Variants in FSHR observed in about 807,000 individuals in gnomAD.
FSHR encodes the protein follicle-stimulating hormone receptor.
A neutral mutation model predicts 52.1 loss-of-function variants in FSHR; 46 were observed. That is an observed-to-expected ratio of 0.88 (90% CI 0.70 to 1.13). The LOEUF (loss-of-function observed/expected upper bound fraction) is 1.13, where lower values mean the gene tolerates loss of function less well. FSHR is among the 50% of genes most tolerant of loss of function. The pLI is 0.00. For missense variants in FSHR, 964 were observed against 834.6 expected, an observed-to-expected ratio of 1.16 and a Z score of -1.91; for synonymous variants, 399 against 309.6, an observed-to-expected ratio of 1.29 and a Z score of -3.03.
chr2:49,053,718 G>C lies in FSHR; in HGVS notation c.224+14501C>G, dbSNP rs538792863. On this transcript the variant is annotated intron_variant, in intron 2 of 9. Transcript: ENST00000406846. ...AAAGAAAAAAAACAGTCCTTTCCCT[G>C]TTGACTTCTGATAGAAGTAGAGGAG... is the stretch of plus-strand genomic sequence containing the variant. Among the ~76,000 whole-genome samples the C allele has an allele frequency of 3.3e-5, 5 of 152,250 alleles. No individual in the cohort carries two copies. In the South Asian group the frequency reaches 1.0e-3, roughly 32 times the overall value.
Position 49,125,125 on chromosome 2 carries a change from C to T in FSHR, c.152+29141G>A, listed in dbSNP as rs181830927. On this transcript the variant is annotated intron_variant, in intron 1 of 9. Transcript: ENST00000406846. ...CTCAATTGGTTCTTTTTCTGATGGG[C>T]TTCCTGGACAGTGTATCTACCATGT... is the stretch of plus-strand genomic sequence containing the variant. Among the ~76,000 whole-genome samples, 48 of 152,304 alleles carry T rather than the reference C, an allele frequency of 3.2e-4. No homozygotes were observed. In the East Asian group the frequency reaches 8.5e-3, roughly 27 times the overall value.
chr2:48,966,370 A>T (rs112036514), intron 9 of FSHR, among the ~76,000 whole-genome samples: 1 of 152,224 alleles, frequency 6.6e-6, no homozygotes, highest in Non-Finnish European at 1.5e-5. Flanking sequence ...ATTGTATTTA[A>T]CATTAAAAAT....
intron 2 of FSHR, among the ~76,000 whole-genome samples, chr2:49,046,962 G>A (rs913149974): frequency 1.3e-5 from 2 of 152,130 alleles, no homozygotes; most frequent in African/African-American, 4.8e-5. Flanking sequence ...TGTGAACCTT[G>A]ATAAATTTCT....
chr2:48,972,998 G>C (rs1290655249), intron 8 of FSHR, among the ~76,000 whole-genome samples: 1 of 143,390 alleles, frequency 7.0e-6, no homozygotes, highest in South Asian at 2.1e-4. Flanking sequence ...TTCCCATTGC[G>C]GGTCTATTTG....
intron 1 of FSHR, among the ~76,000 whole-genome samples, chr2:49,078,774 A>G (rs942940827): frequency 6.6e-6 from 1 of 152,168 alleles, no homozygotes; most frequent in African/African-American, 2.4e-5. Flanking sequence ...TACTGAATGG[A>G]GAAATTTTAG....
intron 4 of FSHR, among the ~76,000 whole-genome samples, chr2:49,009,340 T>C (rs1667186214): frequency 1.3e-5 from 2 of 152,164 alleles, no homozygotes; most frequent in South Asian, 4.2e-4. Context: ...TAGTTGTAGA[T>C]ATGCAGCGTT....
At chr2:49,112,533 T>A (rs1364364174) in intron 1 of FSHR, among the ~76,000 whole-genome samples, 1 of 152,188 alleles carries the variant, frequency 6.6e-6, no homozygotes, top group East Asian at 1.9e-4. Context: ...ATGTTAAAAA[T>A]TTCAAAACAA....
chr2:48,973,086 A>G (rs78177457), intron 8 of FSHR, among the ~76,000 whole-genome samples: 2,477 of 152,284 alleles, frequency 0.016, 53 homozygotes, highest in African/African-American at 0.056. Context: ...TTCATTATAG[A>G]TCTAGCCTTT....
chr2:49,086,063 T>G (rs1472732500), intron 1 of FSHR, among the ~76,000 whole-genome samples: 1 of 152,010 alleles, frequency 6.6e-6, no homozygotes, highest in Non-Finnish European at 1.5e-5. Flanking sequence ...TGTATACATA[T>G]GTAACTAACC....
At chr2:48,966,879 A>G (rs1674499849) in intron 9 of FSHR, among the ~76,000 whole-genome samples, 1 of 152,196 alleles carries the variant, frequency 6.6e-6, no homozygotes, top group Non-Finnish European at 1.5e-5. Flanking sequence ...GGTAAGTTAG[A>G]GCAGCAACCT....
At chr2:48,977,549 T>G (rs560898277) in intron 8 of FSHR, among the ~76,000 whole-genome samples, 1 of 152,298 alleles carries the variant, frequency 6.6e-6, no homozygotes, top group South Asian at 2.1e-4. Context: ...CCTCCCACAC[T>G]ATCACTTCAC....
At chr2:48,988,463 G>C (rs977067147) in intron 6 of FSHR, among the ~76,000 whole-genome samples, 1 of 152,198 alleles carries the variant, frequency 6.6e-6, no homozygotes, top group South Asian at 2.1e-4. Context: ...TAACAACACA[G>C]AATGCTTTTA....
intron 2 of FSHR, among the ~76,000 whole-genome samples, chr2:49,036,468 A>G (rs557942920): frequency 6.6e-6 from 1 of 150,962 alleles, no homozygotes; most frequent in Admixed American, 6.6e-5. Context: ...ATATTGTTAT[A>G]TCTTACCTAT....
chr2:48,985,370 G>T (rs3788985), intron 6 of FSHR, among the ~76,000 whole-genome samples: 13,629 of 152,210 alleles, frequency 0.09, 788 homozygotes, highest in East Asian at 0.17. Flanking sequence ...GAGGAAACAC[G>T]CACGAAGCAG....
In FSHR at chr2:49,023,059, A is replaced by G. The variant is rs116743339; in HGVS notation, c.225-2899T>C. On this transcript the variant is annotated intron_variant, in intron 2 of 9. Transcript: ENST00000406846. The stretch of plus-strand genomic sequence containing the variant: ...ATATGCTACCAGACTTTTTGACCCA[A>G]TGTACATATTCATAGGTGGATATGC... Among the ~76,000 whole-genome samples the G allele has an allele frequency of 1.5e-3, 226 of 152,208 alleles. 1 individual carries two copies. The highest frequency in any genetic ancestry group is 5.3e-3 in the African/African-American group (222 of 41,546).
intron 1 of FSHR, among the ~76,000 whole-genome samples, chr2:49,086,200 T>A (rs2103674355): frequency 6.6e-6 from 1 of 152,296 alleles, no homozygotes; most frequent in South Asian, 2.1e-4. Context: ...ATGAATGTAA[T>A]CCAGCCCAAG....
chr2:49,130,334 C>G (rs138177497), intron 1 of FSHR, among the ~76,000 whole-genome samples: 260 of 152,308 alleles, frequency 1.7e-3, no homozygotes, highest in Non-Finnish European at 2.9e-3. Flanking sequence ...ATTTTGCTAT[C>G]TGTCCTGGGG....
At chr2:48,983,535 C>T (rs1054453403) in intron 6 of FSHR, among the ~76,000 whole-genome samples, 12 of 152,148 alleles carry the variant, frequency 7.9e-5, no homozygotes, top group Admixed American at 5.2e-4. Flanking sequence ...GGACAGGAAT[C>T]GTACAATTAT....
chr2:48,963,598 T>A lies in FSHR; in HGVS notation c.1223A>T (p.Asp408Val). ...RFLMCNLAFA[D>V]LCIGIYLLLI... The stretch of plus-strand genomic sequence containing the variant: ...CAGCAGGTAGATTCCAATGCAGAGA[T>A]CAGCAAAGGCCAGGTTGCACATAAG... Residue 408 changes from aspartate to valine, a missense_variant, in exon 10 of 10, where the codon GAT becomes GTT. Coordinates refer to ENST00000406846, the MANE Select transcript of FSHR (RefSeq NM_000145.4). 1.2e-6 allele frequency: 2 copies of A among 1,614,122 alleles called. No homozygotes were observed. Among genetic ancestry groups the A allele is most frequent in the Non-Finnish European group, 1.7e-6 (2 of 1,180,018 alleles).
Sources: gnomAD v4.1 joint callset for allele counts (sites outside exome capture counted in the v4.1 genomes callset) on GRCh38, gnomAD v4.1.1 for gene constraint, MANE v1.5 for transcripts, NCBI Gene and HGNC (gene_info 2026-07-23, HGNC 2026-07-21) for gene names.